The following PALLD variants were observed in gnomAD, a reference collection of about 807,000 sequenced individuals.
PALLD encodes the protein palladin.
PALLD carries 61 observed loss-of-function variants against 123.5 expected under a neutral mutation model. The observed-to-expected ratio is 0.49, with a 90% CI of 0.40 to 0.61. The LOEUF is 0.61. Among genes scored for constraint, PALLD ranks in the 20% least tolerant of loss-of-function variants. PALLD has a pLI of 0.00. For missense variants in PALLD, 1,273 were observed against 1,377.0 expected (o/e 0.92, Z 1.20); for synonymous variants, 465 against 496.4 (o/e 0.94, Z 0.84).
chr4:168,903,664 A>G (rs1757023602), intron 14 of PALLD, 93 bp from the exon 15 acceptor site: 1 of 1,019,238 alleles, frequency 9.8e-7, no homozygotes, highest in Non-Finnish European at 1.6e-6. Flanking sequence ...AACTCAGATC[A>G]GCTCTGCAAA....
chr4:168,763,828 G>C (rs1733288244), intron 10 of PALLD, among the ~76,000 whole-genome samples: 1 of 152,138 alleles, frequency 6.6e-6, no homozygotes, highest in Non-Finnish European at 1.5e-5. Flanking sequence ...ATCAGGTCAG[G>C]AGTGACCAGG....
At chr4:168,632,031 C>T (rs981217575) in intron 2 of PALLD, 1 of 450,154 alleles carries the variant, frequency 2.2e-6, no homozygotes. Context: ...CTCAGAATAC[C>T]GTGTTCCGCC....
At chr4:168,824,127 T>C (rs1743095322) in intron 10 of PALLD, among the ~76,000 whole-genome samples, 1 of 152,226 alleles carries the variant, frequency 6.6e-6, no homozygotes, top group Non-Finnish European at 1.5e-5. Flanking sequence ...TTTGCTAAAA[T>C]TGAGGTAATG....
At chr4:168,665,986 A>G (rs964977543) in intron 2 of PALLD, among the ~76,000 whole-genome samples, 1 of 152,214 alleles carries the variant, frequency 6.6e-6, no homozygotes, top group East Asian at 1.9e-4. Context: ...ACCAAAAAAA[A>G]AAAACCTTAT....
intron 2 of PALLD, among the ~76,000 whole-genome samples, chr4:168,636,299 G>T (rs62333863): frequency 0.06 from 9,128 of 152,190 alleles, 400 homozygotes; most frequent in Non-Finnish European, 0.087. Flanking sequence ...ACCAGCCTGG[G>T]CAACATAGTG....
chr4:168,795,113 A>G (rs2150637881), intron 10 of PALLD, among the ~76,000 whole-genome samples: 1 of 152,234 alleles, frequency 6.6e-6, no homozygotes, highest in South Asian at 2.1e-4. Flanking sequence ...TTGTGACCTA[A>G]TCACCTCCCA....
chr4:168,668,174 T>C lies in PALLD; in HGVS notation c.909-16T>C. 2 of 1,607,642 alleles carry C rather than the reference T, an allele frequency of 1.2e-6. No homozygotes were observed. The highest frequency in any genetic ancestry group is 1.7e-6 in the Non-Finnish European group (2 of 1,174,056). On this transcript the variant is annotated splice_polypyrimidine_tract_variant and intron_variant, in intron 2 of 21. Coordinates refer to ENST00000505667, the MANE Select transcript of PALLD (RefSeq NM_001166108.2). Reference sequence around the variant, plus strand: ...TTTCTTTCCCTCCTATCCTTTGACCTCCATTTGGCCTGCAGATGGTTCTGT... The same window carrying C: ...TTTCTTTCCCTCCTATCCTTTGACCCCCATTTGGCCTGCAGATGGTTCTGT...
chr4:168,861,084 G>A (rs1323950814), intron 10 of PALLD, among the ~76,000 whole-genome samples: 1 of 152,102 alleles, frequency 6.6e-6, no homozygotes, highest in Admixed American at 6.6e-5. Flanking sequence ...TGATAACTTA[G>A]GAAATATTTT....
intron 2 of PALLD, among the ~76,000 whole-genome samples, chr4:168,543,148 A>G (rs1765806133): frequency 6.6e-6 from 1 of 152,056 alleles, no homozygotes; most frequent in Non-Finnish European, 1.5e-5. Flanking sequence ...TCCTAGCTCC[A>G]TCATTTGCAA....
At chr4:168,712,236 G>T in intron 10 of PALLD, 1 of 459,438 alleles carries the variant, frequency 2.2e-6, no homozygotes, top group Non-Finnish European at 4.0e-6. Context: ...TGGAAAAGGG[G>T]GATCTACTTT....
rs146356278 is a variant in PALLD at position 168,827,213 on chromosome 4, C to A, written c.1965-63709C>A. Among the ~76,000 whole-genome samples, 585 of 152,298 alleles carry A rather than the reference C, an allele frequency of 3.8e-3. 5 individuals carry two copies. Among genetic ancestry groups the A allele is most frequent in the African/African-American group, 0.012 (499 of 41,558 alleles). On this transcript the variant is annotated intron_variant, in intron 10 of 21. Transcript: ENST00000505667. ...ACAAACCAAAGAGCCATAAAGTTAT[C>A]TTTACCAATAGGATAGATGAATTTG... is the stretch of plus-strand genomic sequence containing the variant.
intron 10 of PALLD, among the ~76,000 whole-genome samples, chr4:168,759,224 TATATATATATATATATATATAG>T (rs1561490816): frequency 8.8e-5 from 3 of 33,912 alleles, no homozygotes; most frequent in African/African-American, 3.3e-4. Context: ...TATATATATA[TATATATATATATATATATATAG>T]AAACAATATA....
Position 168,619,380 on chromosome 4 carries a change from T to G in PALLD, c.909-48810T>G, listed in dbSNP as rs142405905. ...GAGAAGGAAGCAGCAGCCAGGTCAT[T>G]TGGTTGGCATTTAAATGACTTTTGC... On this transcript the variant is annotated intron_variant, in intron 2 of 21. Transcript: ENST00000505667. 5.9e-5 allele frequency among the ~76,000 whole-genome samples: 9 copies of G among 152,234 alleles called. No individual in the cohort carries two copies. The East Asian group carries it at 1.7e-3, about 29-fold the overall frequency.
At chr4:168,740,635 A>T (rs943792879) in intron 10 of PALLD, among the ~76,000 whole-genome samples, 4 of 151,344 alleles carry the variant, frequency 2.6e-5, no homozygotes, top group Admixed American at 2.6e-4. Context: ...GTTCTTTTGA[A>T]AGATGGAAAG....
chr4:168,580,255 T>C (rs772540387), intron 2 of PALLD, among the ~76,000 whole-genome samples: 7 of 151,508 alleles, frequency 4.6e-5, no homozygotes, highest in Non-Finnish European at 1.5e-5. Context: ...TGTGTGTGTG[T>C]GTGTGTGTGT....
At chr4:168,529,440 A>C (rs1248943914) in intron 2 of PALLD, among the ~76,000 whole-genome samples, 1 of 152,164 alleles carries the variant, frequency 6.6e-6, no homozygotes, top group Non-Finnish European at 1.5e-5. Flanking sequence ...AGCCAGGCGA[A>C]GGGGGAGAGT....
chr4:168,852,325 T>G (rs1422045270), intron 10 of PALLD, among the ~76,000 whole-genome samples: 1 of 152,196 alleles, frequency 6.6e-6, no homozygotes, highest in Admixed American at 6.5e-5. Flanking sequence ...GTGCTGTGTC[T>G]GTTTTGATCA....
intron 17 of PALLD, among the ~76,000 whole-genome samples, chr4:168,921,324 T>C (rs1761445465): frequency 6.8e-6 from 1 of 147,862 alleles, no homozygotes. Flanking sequence ...GGAGAATCGC[T>C]TGAACCCGGG....
At chr4:168,666,804 CTGA>C (rs1779703994) in intron 2 of PALLD, among the ~76,000 whole-genome samples, 1 of 152,068 alleles carries the variant, frequency 6.6e-6, no homozygotes, top group South Asian at 2.1e-4. Context: ...ACAGTTAATA[CTGA>C]TGGGTGAGGA....
Sources: allele counts gnomAD v4.1 joint callset (sites outside exome capture counted in the v4.1 genomes callset), GRCh38; gene constraint gnomAD v4.1.1; transcripts MANE v1.5; gene names NCBI Gene and HGNC (gene_info 2026-07-23, HGNC 2026-07-21).